The following PIWIL3 variants were observed in gnomAD, a reference collection of about 807,000 sequenced individuals.
PIWIL3 encodes the protein piwi-like protein 3.
In PIWIL3, 101 loss-of-function variants were observed where a neutral mutation model predicts 109.7. The ratio of observed to expected loss-of-function variants is 0.92; its 90% CI spans 0.78 to 1.09. PIWIL3 has a LOEUF of 1.09. PIWIL3 is among the 50% of genes least tolerant of loss of function. The pLI is 0.00. For missense variants in PIWIL3, 1,031 were observed against 1,072.6 expected, an observed-to-expected ratio of 0.96 and a Z score of 0.54; for synonymous variants, 373 against 376.4, an observed-to-expected ratio of 0.99 and a Z score of 0.10.
At chr22:24,723,413 G>A (rs545254665) in intron 18 of PIWIL3, among the ~76,000 whole-genome samples, 158 bp from the exon 19 acceptor site, 13 of 152,156 alleles carry the variant, frequency 8.5e-5, no homozygotes, top group South Asian at 6.2e-4. Context: ...CCATGTGCCC[G>A]GTTGAAGCAG....
intron 16 of PIWIL3, among the ~76,000 whole-genome samples, chr22:24,727,455 G>C (rs1923064020): frequency 6.6e-6 from 1 of 152,160 alleles, no homozygotes; most frequent in African/African-American, 2.4e-5. Flanking sequence ...ACATGAGAGT[G>C]ATCAAGACTG....
At chr22:24,738,898 T>C (rs6004254) in intron 12 of PIWIL3, among the ~76,000 whole-genome samples, 81,142 of 151,716 alleles carry the variant, frequency 0.53, 22,249 homozygotes, top group East Asian at 0.69. Flanking sequence ...AGGCACCAGT[T>C]CTGGAGAAAC....
intron 7 of PIWIL3, 85 bp downstream of exon 7, chr22:24,754,699 C>A: frequency 9.0e-7 from 1 of 1,106,552 alleles, no homozygotes; most frequent in Non-Finnish European, 1.4e-6. Flanking sequence ...TTAAGGCATA[C>A]CACTTCAAAT....
chr22:24,747,395 A>G (rs1376787725), intron 12 of PIWIL3, among the ~76,000 whole-genome samples: 8 of 152,200 alleles, frequency 5.3e-5, no homozygotes, highest in Non-Finnish European at 1.2e-4. Flanking sequence ...CATTAGAGTG[A>G]GCAAAGATTT....
At chr22:24,730,959 T>C (rs1420989738) in intron 14 of PIWIL3, among the ~76,000 whole-genome samples, 1 of 152,186 alleles carries the variant, frequency 6.6e-6, no homozygotes, top group East Asian at 1.9e-4. Flanking sequence ...TTTTTACTAA[T>C]GTAGGCCTCC....
chr22:24,756,464 G>A (rs1405381542), intron 5 of PIWIL3, 27 bp downstream of exon 5: 1 of 1,587,338 alleles, frequency 6.3e-7, no homozygotes, highest in East Asian at 2.2e-5. Flanking sequence ...AAAGAACACA[G>A]GAAAATGTGA....
intron 1 of PIWIL3, among the ~76,000 whole-genome samples, chr22:24,771,021 A>G (rs1224898673): frequency 2.0e-5 from 3 of 151,840 alleles, no homozygotes; most frequent in Non-Finnish European, 4.4e-5. Flanking sequence ...CCACCGGGAG[A>G]AGACACATAG....
chr22:24,754,259 A>G, intron 7 of PIWIL3, 42 bp from the exon 8 acceptor site: 4 of 1,549,790 alleles, frequency 2.6e-6, no homozygotes, highest in East Asian at 2.3e-5. Flanking sequence ...ATCTCTTCAC[A>G]TAAAGCCAAG....
intron 19 of PIWIL3, 21 bp downstream of exon 19, chr22:24,723,109 C>CA (rs747628718): frequency 1.9e-6 from 3 of 1,608,304 alleles, no homozygotes; most frequent in Non-Finnish European, 2.6e-6. Context: ...GAACCATGTG[C>CA]AAAAAATACA....
intron 12 of PIWIL3, among the ~76,000 whole-genome samples, chr22:24,746,084 T>C (rs1216051283): frequency 6.6e-6 from 1 of 152,190 alleles, no homozygotes; most frequent in Non-Finnish European, 1.5e-5. Context: ...GAGGAGGGAA[T>C]ACTTCCAAGT....
At chr22:24,755,271 T>G (rs1448726913) in intron 6 of PIWIL3, among the ~76,000 whole-genome samples, 2 of 152,090 alleles carry the variant, frequency 1.3e-5, no homozygotes, top group Non-Finnish European at 2.9e-5. Flanking sequence ...CACAGGCACC[T>G]GCCACCATGC....
At chr22:24,733,610 G>A (rs960199191) in intron 14 of PIWIL3, among the ~76,000 whole-genome samples, 3 of 152,088 alleles carry the variant, frequency 2.0e-5, no homozygotes, top group Non-Finnish European at 2.9e-5. Context: ...GAACCGGGAG[G>A]CAGAGGTTAC....
Position 24,746,164 on chromosome 22 carries a change from G to T in PIWIL3, c.1449+2743C>A, listed in dbSNP as rs190386380. ...AAAACTACAGGCCAATATCTCCAATGAACACTGATATAAAAAATCCTCAAC... is the reference window on the plus strand; with the variant it reads ...AAAACTACAGGCCAATATCTCCAATTAACACTGATATAAAAAATCCTCAAC... On this transcript the variant is annotated intron_variant, in intron 12 of 20. Coordinates refer to ENST00000616349, the MANE Select transcript of PIWIL3 (RefSeq NM_001255975.1). 4.6e-5 allele frequency among the ~76,000 whole-genome samples: 7 copies of T among 152,220 alleles called. No homozygotes were observed. The East Asian group carries it at 1.4e-3, about 29-fold the overall frequency.
chr22:24,754,215 G>A lies in PIWIL3; in HGVS notation c.776C>T (p.Thr259Ile). ...ATAACCAAGCCAGATTTCCAAACTG[G>A]TACTAGAATAAATTACATGAGAGTA... ...KKAIQLYRHG[T>I]SLEIWLGYVT... The change falls in exon 8 of 21, where the codon ACC becomes ATC. Residue 259 changes from threonine (T) to isoleucine (I), a missense_variant and splice_region_variant. Coordinates refer to ENST00000616349, the MANE Select transcript of PIWIL3 (RefSeq NM_001255975.1). The A allele has an allele frequency of 6.2e-7, 1 of 1,610,142 alleles. No homozygotes were observed. Among genetic ancestry groups the A allele is most frequent in the Non-Finnish European group, 8.5e-7 (1 of 1,176,530 alleles).
chr22:24,744,186 A>AAAAAAAAAAC (rs1924194029), intron 12 of PIWIL3, among the ~76,000 whole-genome samples: 1 of 145,186 alleles, frequency 6.9e-6, no homozygotes, highest in Non-Finnish European at 1.5e-5. Flanking sequence ...ATTAAAAAAA[A>AAAAAAAAAAC]AAAAAAAAAA....
intron 1 of PIWIL3, among the ~76,000 whole-genome samples, chr22:24,771,476 C>CAA (rs60085341): frequency 1.7e-5 from 2 of 114,430 alleles, no homozygotes; most frequent in Non-Finnish European, 1.8e-5. Context: ...GACTCCATCT[C>CAA]AAAAAAAAAA....
chr22:24,750,023 A>C (rs890575690), intron 9 of PIWIL3, among the ~76,000 whole-genome samples: 2 of 152,220 alleles, frequency 1.3e-5, no homozygotes, highest in Non-Finnish European at 2.9e-5. Flanking sequence ...TCTTGTGAGC[A>C]TACTTGGCCA....
At chr22:24,724,863 C>T (rs1922897769) in intron 18 of PIWIL3, 24 bp downstream of exon 18, 1 of 1,605,904 alleles carries the variant, frequency 6.2e-7, no homozygotes, top group African/African-American at 1.3e-5. Context: ...TGAGTCACTA[C>T]ACATTACAAT....
At chr22:24,773,195 T>C (rs555240655) in intron 1 of PIWIL3, among the ~76,000 whole-genome samples, 9 of 152,194 alleles carry the variant, frequency 5.9e-5, no homozygotes, top group Non-Finnish European at 1.3e-4. Context: ...GGTTTCTGGC[T>C]CTGCCATCTC....
Sources: allele counts gnomAD v4.1 joint callset (sites outside exome capture counted in the v4.1 genomes callset), GRCh38; gene constraint gnomAD v4.1.1; transcripts MANE v1.5; gene names NCBI Gene and HGNC (gene_info 2026-07-23, HGNC 2026-07-21).